Variants in ETV6 observed in about 807,000 individuals in gnomAD.
ETV6 encodes the protein transcription factor ETV6.
A neutral mutation model predicts 51.1 loss-of-function variants in ETV6; 16 were observed. That is an observed-to-expected ratio of 0.31 (90% CI 0.21 to 0.48). The LOEUF (loss-of-function observed/expected upper bound fraction) is 0.48. Ranked by LOEUF, ETV6 falls within the 20% of genes least tolerant of loss-of-function variation. The pLI is 0.99. For missense variants in ETV6, 458 were observed against 594.8 expected (o/e 0.77, Z 2.39); for synonymous variants, 240 against 224.1 (o/e 1.07, Z -0.64).
At chr12:11,815,083 G>C (rs569122631) in intron 2 of ETV6, among the ~76,000 whole-genome samples, 1 of 152,282 alleles carries the variant, frequency 6.6e-6, no homozygotes, top group African/African-American at 2.4e-5. Flanking sequence ...CTTCCCAGGA[G>C]AAGTCAAATC....
chr12:11,798,519 T>C (rs768660283), intron 2 of ETV6, among the ~76,000 whole-genome samples: 2 of 152,184 alleles, frequency 1.3e-5, no homozygotes, highest in Non-Finnish European at 2.9e-5. Flanking sequence ...TGGGTAGCTC[T>C]TTCCTCTTCA....
intron 2 of ETV6, among the ~76,000 whole-genome samples, chr12:11,755,270 T>C (rs1253971271): frequency 6.6e-6 from 1 of 152,260 alleles, no homozygotes; most frequent in African/African-American, 2.4e-5. Flanking sequence ...AGCTATAAAA[T>C]ATAGAACTGC....
intron 1 of ETV6, among the ~76,000 whole-genome samples, chr12:11,743,205 T>G (rs1865842634): frequency 6.6e-6 from 1 of 152,230 alleles, no homozygotes; most frequent in African/African-American, 2.4e-5. Flanking sequence ...GACTCATTTC[T>G]TTTACGTTGC....
intron 3 of ETV6, among the ~76,000 whole-genome samples, chr12:11,843,384 G>C (rs1226041600): frequency 6.6e-6 from 1 of 152,174 alleles, no homozygotes; most frequent in Non-Finnish European, 1.5e-5. Flanking sequence ...TTGGTGTAGT[G>C]AAAGTCCTCA....
chr12:11,778,925 A>G (rs1031993457), intron 2 of ETV6, among the ~76,000 whole-genome samples: 1 of 152,198 alleles, frequency 6.6e-6, no homozygotes, highest in Non-Finnish European at 1.5e-5. Flanking sequence ...TAGCTTCTTG[A>G]ACACTGTCAA....
In ETV6 at chr12:11,809,157, C is replaced by G. The variant is rs1459046114; in HGVS notation, c.164-29983C>G. On this transcript the variant is annotated intron_variant, in intron 2 of 7. Transcript: ENST00000396373. ...CTCCAGCCTGGGTGACACAGGGAGA[C>G]CCTGTGTCAAAAAAAAAAAAGATAG... Among the ~76,000 whole-genome samples, 5 of 115,658 alleles carry G rather than the reference C, an allele frequency of 4.3e-5. No individual in the cohort carries two copies. In the East Asian group the frequency reaches 1.3e-3, roughly 30 times the overall value. 75.9% of individuals were successfully genotyped at this position (115,658 alleles called of 152,430 possible). A position where few individuals can be genotyped will look rare whatever the true frequency, so the allele number is the denominator to read the frequency against.
At chr12:11,809,168 A>AG (rs552015589) in intron 2 of ETV6, among the ~76,000 whole-genome samples, 29 of 151,582 alleles carry the variant, frequency 1.9e-4, no homozygotes, top group African/African-American at 6.3e-4. Context: ...CCTGTGTCAA[A>AG]AAAAAAAAAG....
intron 1 of ETV6, among the ~76,000 whole-genome samples, chr12:11,721,849 G>C (rs933424519): frequency 1.3e-5 from 2 of 152,176 alleles, no homozygotes; most frequent in African/African-American, 4.8e-5. Flanking sequence ...AAAATATTAA[G>C]ATGTACATAT....
At chr12:11,717,923 G>C (rs1045783980) in intron 1 of ETV6, among the ~76,000 whole-genome samples, 1 of 152,126 alleles carries the variant, frequency 6.6e-6, no homozygotes. Flanking sequence ...AGAATTAACA[G>C]CCTGGAAGTG....
At chr12:11,766,737 A>G (rs1945167086) in intron 2 of ETV6, among the ~76,000 whole-genome samples, 1 of 147,374 alleles carries the variant, frequency 6.8e-6, no homozygotes, top group African/African-American at 2.5e-5. Context: ...ACATAAAGCA[A>G]TGATTGAAGA....
At chr12:11,792,575 T>A (rs1226912203) in intron 2 of ETV6, among the ~76,000 whole-genome samples, 7 of 151,940 alleles carry the variant, frequency 4.6e-5, no homozygotes, top group Admixed American at 3.9e-4. Context: ...TAATCCCAGG[T>A]ACTCGGGAGG....
At chr12:11,690,200 A>G (rs1326173344) in intron 1 of ETV6, among the ~76,000 whole-genome samples, 2 of 151,360 alleles carry the variant, frequency 1.3e-5, no homozygotes, top group Non-Finnish European at 2.9e-5. Flanking sequence ...CTTCTGCTTG[A>G]TAATTTAGAT....
chr12:11,855,033 C>T (rs372708577), intron 4 of ETV6, among the ~76,000 whole-genome samples: 3 of 151,840 alleles, frequency 2.0e-5, no homozygotes, highest in South Asian at 2.1e-4. Context: ...CGGTGGCTCA[C>T]GCCTGTAATC....
chr12:11,718,132 A>C (rs1865313515), intron 1 of ETV6, among the ~76,000 whole-genome samples: 1 of 152,232 alleles, frequency 6.6e-6, no homozygotes, highest in Non-Finnish European at 1.5e-5. Context: ...ACTTCCAAAA[A>C]CTAGTGGTCC....
intron 3 of ETV6, among the ~76,000 whole-genome samples, chr12:11,842,407 T>TACACACACAC (rs6144615): frequency 0.062 from 9,176 of 147,778 alleles, 636 homozygotes; most frequent in African/African-American, 0.17. Context: ...TTGACACAGA[T>TACACACACAC]ACACACACAC....
intron 5 of ETV6, among the ~76,000 whole-genome samples, chr12:11,872,941 C>T (rs1321198561): frequency 6.6e-6 from 1 of 152,054 alleles, no homozygotes; most frequent in African/African-American, 2.4e-5. Context: ...CAAGGGCACA[C>T]AGAAATAGGC....
intron 1 of ETV6, among the ~76,000 whole-genome samples, chr12:11,651,168 G>A (rs1863899175): frequency 6.6e-6 from 1 of 152,190 alleles, no homozygotes; most frequent in African/African-American, 2.4e-5. Context: ...CAGTACCCAG[G>A]TAGAAAGCCT....
chr12:11,843,238 G>C (rs1444863300), intron 3 of ETV6, among the ~76,000 whole-genome samples: 1 of 152,186 alleles, frequency 6.6e-6, no homozygotes, highest in Non-Finnish European at 1.5e-5. Flanking sequence ...CTGATGAAGG[G>C]GTCACTCAGC....
chr12:11,707,980 A>G (rs1189680595), intron 1 of ETV6, among the ~76,000 whole-genome samples: 1 of 152,238 alleles, frequency 6.6e-6, no homozygotes, highest in Non-Finnish European at 1.5e-5. Flanking sequence ...TTTGAAGTCT[A>G]TCTTTTCTTC....
Sources: gnomAD v4.1 joint callset for allele counts (sites outside exome capture counted in the v4.1 genomes callset) on GRCh38, gnomAD v4.1.1 for gene constraint, MANE v1.5 for transcripts, NCBI Gene and HGNC (gene_info 2026-07-23, HGNC 2026-07-21) for gene names.